The following PRRC2C variants were observed in gnomAD, a reference collection of about 807,000 sequenced individuals.
The protein encoded by PRRC2C is proline rich coiled-coil 2C, also known as protein PRRC2C.
In PRRC2C, 72 loss-of-function variants were observed where a neutral mutation model predicts 317.2. That is an observed-to-expected ratio of 0.23 (90% CI 0.19 to 0.28). The LOEUF is 0.28. Ranked by LOEUF, PRRC2C falls within the 10% of genes least tolerant of loss-of-function variation. PRRC2C has a pLI of 1.00. For synonymous variants in PRRC2C, 1,296 were observed against 1,205.9 expected, an observed-to-expected ratio of 1.07 and a Z score of -1.55; for missense variants, 3,074 against 3,459.7, an observed-to-expected ratio of 0.89 and a Z score of 2.80.
intron 6 of PRRC2C, among the ~76,000 whole-genome samples, chr1:171,519,194 A>G (rs567970860): frequency 6.6e-6 from 1 of 152,260 alleles, no homozygotes; most frequent in East Asian, 1.9e-4. Flanking sequence ...TTTTCCTACC[A>G]CTTTGGATTA....
At chr1:171,550,929 C>T (rs768367507) in intron 18 of PRRC2C, among the ~76,000 whole-genome samples, 6 of 152,078 alleles carry the variant, frequency 3.9e-5, no homozygotes, top group African/African-American at 7.3e-5. Context: ...GATAAATATA[C>T]GTGTGCATGT....
intron 18 of PRRC2C, among the ~76,000 whole-genome samples, chr1:171,550,531 A>G (rs1339562657): frequency 1.3e-5 from 2 of 150,402 alleles, no homozygotes; most frequent in Non-Finnish European, 2.9e-5. Flanking sequence ...GGTTTGTTAC[A>G]TATGTATACA....
At position 171,577,410 on chromosome 1, in the gene PRRC2C, CTTTA is replaced by C; in HGVS notation, c.6956-20_6956-17del. On this transcript the variant is annotated intron_variant, in intron 25 of 34. Transcript: ENST00000647382. Reference sequence around the variant, plus strand: ...ACTTTTAAATATGCTCTATTTTCCCCTTTATTTGCTTCCCCAAATATAGGAGCTG... The same window carrying C: ...ACTTTTAAATATGCTCTATTTTCCCCTTTGCTTCCCCAAATATAGGAGCTG... The C allele has an allele frequency of 6.5e-7, 1 of 1,548,674 alleles. No individual in the cohort carries two copies. The highest frequency in any genetic ancestry group is 1.4e-5 in the African/African-American group (1 of 73,560).
intron 18 of PRRC2C, among the ~76,000 whole-genome samples, chr1:171,551,382 T>C (rs893405491): frequency 7.9e-5 from 12 of 152,198 alleles, no homozygotes; most frequent in Admixed American, 7.9e-4. Context: ...GATGAGTAGA[T>C]TGCAAAAATT....
intron 2 of PRRC2C, 41 bp downstream of exon 2, chr1:171,512,241 T>C (rs1182915669): frequency 1.0e-5 from 14 of 1,353,590 alleles, no homozygotes; most frequent in Non-Finnish European, 1.4e-5. Flanking sequence ...TCATGGTTTG[T>C]TTTGTTACTA....
At chr1:171,558,225 T>G (rs1681822195) in intron 19 of PRRC2C, 82 bp downstream of exon 19, 2 of 1,398,862 alleles carry the variant, frequency 1.4e-6, no homozygotes, top group Non-Finnish European at 1.9e-6. Flanking sequence ...ATATACTCTT[T>G]AAGTGTTTTC....
At chr1:171,554,254 G>A (rs1377722122) in intron 18 of PRRC2C, among the ~76,000 whole-genome samples, 1 of 152,002 alleles carries the variant, frequency 6.6e-6, no homozygotes, top group African/African-American at 2.4e-5. Context: ...ATCTTTGTTG[G>A]TTTAAAGTCT....
In PRRC2C at chr1:171,584,512, A is replaced by G. The variant is rs761945687; in HGVS notation, c.7735A>G (p.Ser2579Gly). The change falls in exon 30 of 35, where the codon AGT becomes GGT. Residue 2579 changes from serine (S) to glycine (G), a missense_variant. This residue lies in a region of PRRC2C where 490 missense variants were observed against 663.1 expected (regional missense o/e 0.74). Transcript: ENST00000647382. ...TTTTTATAACACTGCCCAGTCACCAAGTGCTCTCCAGCAGGTAAACTATGG... is the reference window on the plus strand; with the variant it reads ...TTTTTATAACACTGCCCAGTCACCAGGTGCTCTCCAGCAGGTAAACTATGG... The part of the protein sequence containing the change: ...TNFYNTAQSP[S>G]ALQQVTVPLP... 7.6e-6 allele frequency: 12 copies of G among 1,585,426 alleles called. No individual in the cohort carries two copies. The highest frequency in any genetic ancestry group is 3.5e-5 in the South Asian group (3 of 86,278).
intron 16 of PRRC2C, among the ~76,000 whole-genome samples, chr1:171,542,633 T>C (rs1191656679): frequency 1.3e-5 from 2 of 152,238 alleles, no homozygotes; most frequent in Non-Finnish European, 2.9e-5. Flanking sequence ...CCATATACTT[T>C]GTCACTCTAG....
intron 19 of PRRC2C, 33 bp downstream of exon 19, chr1:171,558,176 A>G: frequency 6.3e-7 from 1 of 1,575,162 alleles, no homozygotes; most frequent in Non-Finnish European, 8.6e-7. Context: ...GGGGTGGGGA[A>G]TGGCATAGGA....
rs551858299 is a variant in PRRC2C, at chr1:171,538,041, C to T, written c.2504+568C>T. Among the ~76,000 whole-genome samples, 4 of 152,306 alleles carry T rather than the reference C, an allele frequency of 2.6e-5. No homozygotes were observed. The South Asian group carries it at 6.2e-4, about 24-fold the overall frequency. On this transcript the variant is annotated intron_variant, in intron 15 of 34. Coordinates refer to ENST00000647382, the MANE Select transcript of PRRC2C (RefSeq NM_001387844.1). ...TCAGCCTCCTGAGTAGCTGGGACTACAGGCACCCGCCACCACGCCCAGCTA... is the reference window on the plus strand; with the variant it reads ...TCAGCCTCCTGAGTAGCTGGGACTATAGGCACCCGCCACCACGCCCAGCTA...
intron 20 of PRRC2C, among the ~76,000 whole-genome samples, chr1:171,562,900 C>T (rs1682966220): frequency 2.0e-5 from 3 of 152,072 alleles, no homozygotes; most frequent in Non-Finnish European, 4.4e-5. Flanking sequence ...AAAATTAAGT[C>T]TTGGGGCTTT....
At chr1:171,538,552 G>C (rs1210099280) in intron 15 of PRRC2C, among the ~76,000 whole-genome samples, 1 of 151,548 alleles carries the variant, frequency 6.6e-6, no homozygotes, top group Non-Finnish European at 1.5e-5. Context: ...GTTTTATAAT[G>C]TTTTATAATT....
At chr1:171,587,877 G>C in intron 32 of PRRC2C, 126 bp downstream of exon 32, 1 of 599,278 alleles carries the variant, frequency 1.7e-6, no homozygotes, top group East Asian at 2.8e-5. Flanking sequence ...CATTCTTTTT[G>C]ATAGTTTTGT....
chr1:171,579,420 C>T lies in PRRC2C; in HGVS notation c.7226C>T (p.Pro2409Leu), dbSNP rs764417709. ...LFNTQHARLA[P>L]PSLAQQQGFQ... ...AATACCCAACATGCACGATTGGCTCCGCCATCCTTGGCTCAACAACAGGGT... is the reference window on the plus strand; with the variant it reads ...AATACCCAACATGCACGATTGGCTCTGCCATCCTTGGCTCAACAACAGGGT... Residue 2409 changes from proline (P) to leucine (L), a missense_variant, in exon 27 of 35, where the codon CCG becomes CTG. Pro to Leu is a moderately conservative substitution (Grantham distance 98). Around this residue, in one of 11 missense-constraint regions of PRRC2C, gnomAD observed 490 missense variants for 663.1 expected, o/e 0.74. Coordinates refer to ENST00000647382, the MANE Select transcript of PRRC2C (RefSeq NM_001387844.1). 22 of 1,613,740 alleles carry T rather than the reference C, an allele frequency of 1.4e-5. No individual in the cohort carries two copies. Among genetic ancestry groups the T allele is most frequent in the African/African-American group, 5.3e-5 (4 of 74,928 alleles).
intron 1 of PRRC2C, among the ~76,000 whole-genome samples, chr1:171,492,542 C>G (rs1202466560): frequency 6.6e-6 from 1 of 151,900 alleles, no homozygotes; most frequent in African/African-American, 2.4e-5. Flanking sequence ...GCACTAAATT[C>G]AGCATCAATA....
Position 171,541,528 on chromosome 1 carries a change from A to G in PRRC2C, c.4062A>G (p.Gly1354=). 1 of 1,613,612 alleles carries G rather than the reference A, an allele frequency of 6.2e-7. No homozygotes were observed. The highest frequency in any genetic ancestry group is 8.5e-7 in the Non-Finnish European group (1 of 1,179,770). ...GAGGGGGAACATTCAGGCGTGGTGG[A>G]AGGGATCCTGGAGGCCGTCCATCAC... ...RGRGGTFRRG[G]RDPGGRPSRP... is the part of the protein sequence containing the mutation. Residue 1354 remains glycine (G), a synonymous_variant, in exon 16 of 35, where the codon GGA becomes GGG. Coordinates refer to ENST00000647382, the MANE Select transcript of PRRC2C (RefSeq NM_001387844.1). This position sits in a 1 kb window ranked among gnomAD's most constrained non-coding sequence, Gnocchi z 4.1.
chr1:171,516,662 TC>T (rs1672426634), intron 5 of PRRC2C, among the ~76,000 whole-genome samples: 1 of 152,204 alleles, frequency 6.6e-6, no homozygotes, highest in Admixed American at 6.5e-5. Flanking sequence ...ACTTATGATA[TC>T]CCACTGTATC....
intron 6 of PRRC2C, among the ~76,000 whole-genome samples, chr1:171,520,152 A>G (rs1352095057): frequency 6.6e-6 from 1 of 152,094 alleles, no homozygotes; most frequent in Non-Finnish European, 1.5e-5. Flanking sequence ...TAGTAGAGAC[A>G]GGGTTTCACC....
Sources: allele counts gnomAD v4.1 joint callset (sites outside exome capture counted in the v4.1 genomes callset), GRCh38; gene constraint gnomAD v4.1.1; regional missense constraint gnomAD v4.1.1; non-coding constraint Gnocchi (gnomAD v3.1); transcripts MANE v1.5; gene names NCBI Gene and HGNC (gene_info 2026-07-23, HGNC 2026-07-21).